The following MAGI2 variants were observed in gnomAD, a reference collection of about 807,000 sequenced individuals.
MAGI2 encodes membrane associated guanylate kinase, WW and PDZ domain containing 2.
Under a neutral mutation model 133.3 loss-of-function variants are expected in MAGI2, and 35 were observed. The ratio of observed to expected loss-of-function variants is 0.26; its 90% CI spans 0.20 to 0.35. MAGI2 has a LOEUF of 0.35. Among genes scored for constraint, MAGI2 ranks in the 10% least tolerant of loss-of-function variants. MAGI2 has a pLI of 1.00. For synonymous variants in MAGI2, 729 were observed against 710.6 expected (o/e 1.03, Z -0.41); for missense variants, 1,636 against 1,863.4 (o/e 0.88, Z 2.25).
intron 4 of MAGI2, chr7:78,509,204 C>T (rs1563100694): frequency 6.6e-6 from 1 of 151,880 alleles, no homozygotes; most frequent in Admixed American, 6.6e-5. Flanking sequence ...TTAAAGGATG[C>T]TAATGATGTA....
In MAGI2 at chr7:78,523,269, A is replaced by C. The variant is rs914881725; in HGVS notation, c.539-1624T>G. Among the ~76,000 whole-genome samples, 100 of 152,248 alleles carry C rather than the reference A, an allele frequency of 6.6e-4. 1 individual carries two copies. The highest frequency in any genetic ancestry group is 2.2e-3 in the African/African-American group (92 of 41,534). On this transcript the variant is annotated intron_variant, in intron 3 of 21. Transcript: ENST00000354212. The stretch of plus-strand genomic sequence containing the variant: ...ATCACCTGTGTTCTGGGCTGCAAAA[A>C]ACCACAGCCTACTCAAGTTAAATGT...
intron 6 of MAGI2, among the ~76,000 whole-genome samples, chr7:78,385,855 A>G (rs1020993135): frequency 3.3e-5 from 5 of 152,232 alleles, no homozygotes; most frequent in Non-Finnish European, 7.3e-5. Flanking sequence ...AAAAAGCAAC[A>G]AAGTATCTAT....
At chr7:79,275,009 C>T (rs1835135460) in intron 1 of MAGI2, among the ~76,000 whole-genome samples, 1 of 152,128 alleles carries the variant, frequency 6.6e-6, no homozygotes, top group South Asian at 2.1e-4. Context: ...CTCTCTTTCT[C>T]TTCAGGCTTC....
chr7:79,407,396 C>T (rs1845878219), intron 1 of MAGI2, among the ~76,000 whole-genome samples: 1 of 152,128 alleles, frequency 6.6e-6, no homozygotes, highest in Non-Finnish European at 1.5e-5. Flanking sequence ...CTATGGCTCA[C>T]TATGAACTTT....
At chr7:78,342,171 G>C (rs967027819) in intron 9 of MAGI2, among the ~76,000 whole-genome samples, 1 of 151,464 alleles carries the variant, frequency 6.6e-6, no homozygotes, top group Non-Finnish European at 1.5e-5. Flanking sequence ...CTTCTCAAAA[G>C]AAGACATTTG....
At chr7:78,501,949 C>T (rs1794665461) in intron 4 of MAGI2, among the ~76,000 whole-genome samples, 162 bp from the exon 5 acceptor site, 1 of 152,188 alleles carries the variant, frequency 6.6e-6, no homozygotes, top group South Asian at 2.1e-4. Context: ...CCTATTTGAG[C>T]TCTCCTTTCA....
intron 2 of MAGI2, among the ~76,000 whole-genome samples, chr7:78,904,525 C>CTTTT (rs10665131): frequency 0.06 from 8,036 of 134,688 alleles, 674 homozygotes; most frequent in East Asian, 0.2. Context: ...TAACGCAGTT[C>CTTTT]TTTTTTTTTT....
intron 2 of MAGI2, among the ~76,000 whole-genome samples, chr7:78,695,510 C>T (rs545237030): frequency 6.6e-6 from 1 of 152,302 alleles, no homozygotes; most frequent in South Asian, 2.1e-4. Flanking sequence ...AGTCTTTCCT[C>T]CAGGCTAAAG....
chr7:78,533,162 G>A (rs1323754281), intron 3 of MAGI2, among the ~76,000 whole-genome samples: 1 of 152,084 alleles, frequency 6.6e-6, no homozygotes, highest in Non-Finnish European at 1.5e-5. Context: ...AGGTGTAAAG[G>A]TGTATATTTT....
At chr7:79,390,266 C>G (rs1018956340) in intron 1 of MAGI2, among the ~76,000 whole-genome samples, 1 of 152,104 alleles carries the variant, frequency 6.6e-6, no homozygotes, top group Non-Finnish European at 1.5e-5. Context: ...ATGGAAGGAG[C>G]TGAGCAGAAC....
intron 16 of MAGI2, among the ~76,000 whole-genome samples, chr7:78,148,009 A>T (rs1459124073): frequency 6.6e-6 from 1 of 152,182 alleles, no homozygotes; most frequent in African/African-American, 2.4e-5. Flanking sequence ...AATTGGTACC[A>T]TATGAATCAG....
rs1439082079 is a variant in MAGI2 at position 78,491,327 on chromosome 7, C to T, written c.966-1487G>A. Among the ~76,000 whole-genome samples the T allele has an allele frequency of 2.6e-5, 4 of 152,172 alleles. No individual in the cohort carries two copies. In the South Asian group the frequency reaches 6.2e-4, roughly 24 times the overall value. The stretch of plus-strand genomic sequence containing the variant: ...AAATAGCATTTTCTGAATGATAATC[C>T]ATCCCATCTGTCTAGGTATAGAGCT... On this transcript the variant is annotated intron_variant, in intron 5 of 21. Coordinates refer to ENST00000354212, the MANE Select transcript of MAGI2 (RefSeq NM_012301.4).
chr7:78,613,258 G>C (rs1186597791), intron 3 of MAGI2, among the ~76,000 whole-genome samples: 1 of 152,162 alleles, frequency 6.6e-6, no homozygotes, highest in Non-Finnish European at 1.5e-5. Flanking sequence ...CCCTTTCTAA[G>C]ACAGTGTAGC....
intron 2 of MAGI2, among the ~76,000 whole-genome samples, chr7:78,806,262 G>T (rs1788567939): frequency 6.6e-6 from 1 of 152,126 alleles, no homozygotes; most frequent in Non-Finnish European, 1.5e-5. Context: ...TTATTGGACT[G>T]TAGCTTCTTC....
intron 1 of MAGI2, among the ~76,000 whole-genome samples, chr7:79,142,408 C>A (rs1037272887): frequency 2.0e-5 from 3 of 152,156 alleles, no homozygotes; most frequent in Non-Finnish European, 4.4e-5. Context: ...CAGAGTTTAA[C>A]TCCACAGCTT....
At chr7:79,148,584 T>C (rs1487190961) in intron 1 of MAGI2, among the ~76,000 whole-genome samples, 1 of 152,146 alleles carries the variant, frequency 6.6e-6, no homozygotes, top group Non-Finnish European at 1.5e-5. Context: ...TGGTTCTTTA[T>C]TGGTCTGTGT....
intron 1 of MAGI2, among the ~76,000 whole-genome samples, chr7:79,275,494 A>G (rs1349492909): frequency 2.0e-5 from 3 of 152,228 alleles, no homozygotes; most frequent in Admixed American, 1.3e-4. Context: ...AAGGATGTAA[A>G]CCATTTCAAT....
rs1792947259 is a variant in MAGI2 at position 78,256,127 on chromosome 7, G to A, written c.1863C>T (p.Asp621=). 1 of 1,613,878 alleles carries A rather than the reference G, an allele frequency of 6.2e-7. No individual in the cohort carries two copies. The highest frequency in any genetic ancestry group is 8.5e-7 in the Non-Finnish European group (1 of 1,179,944). ...GTTTCACCCGCTGTCCTGTAGGACTGTCGGCAATAGTGAAGCCGAAGCCCT... is the reference window on the plus strand; with the variant it reads ...GTTTCACCCGCTGTCCTGTAGGACTATCGGCAATAGTGAAGCCGAAGCCCT... ...GAQGFGFTIA[D]SPTGQRVKQI... The change falls in exon 10 of 22, where the codon GAC becomes GAT. Residue 621 remains aspartate, a synonymous_variant. Coordinates refer to ENST00000354212, the MANE Select transcript of MAGI2 (RefSeq NM_012301.4).
chr7:78,673,916 A>G (rs2151078783), intron 2 of MAGI2, among the ~76,000 whole-genome samples: 1 of 152,330 alleles, frequency 6.6e-6, no homozygotes, highest in South Asian at 2.1e-4. Context: ...GTTCTGACTA[A>G]TATGTTCAAT....
Sources: allele counts gnomAD v4.1 joint callset (sites outside exome capture counted in the v4.1 genomes callset), GRCh38; gene constraint gnomAD v4.1.1; transcripts MANE v1.5; gene names NCBI Gene and HGNC (gene_info 2026-07-23, HGNC 2026-07-21).